LUC7L3: variants seen among roughly 807,000 people sequenced by gnomAD.
The protein encoded by LUC7L3 is luc7-like protein 3.
A neutral mutation model predicts 66.8 loss-of-function variants in LUC7L3; 6 were observed. The observed-to-expected ratio is 0.09, with a 90% CI of 0.05 to 0.18. The LOEUF (loss-of-function observed/expected upper bound fraction) is 0.18. Ranked by LOEUF, LUC7L3 falls within the 10% of genes least tolerant of loss-of-function variation. LUC7L3 has a pLI of 1.00. For synonymous variants in LUC7L3, 160 were observed against 174.7 expected (o/e 0.92, Z 0.66); for missense variants, 341 against 531.1 (o/e 0.64, Z 3.52).
At position 50,755,734 on chromosome 17, in the gene LUC7L3, T is replaced by G. The variant is rs942766249; in HGVS notation, c.*5073T>G. The stretch of plus-strand genomic sequence containing the variant: ...CCGGATACATACCCTAGAGAAACTC[T>G]TACACATGCGTACCAGGGGATGGAT... On this transcript the variant is annotated 3_prime_UTR_variant, in exon 10 of 10. Coordinates refer to ENST00000505658, the MANE Select transcript of LUC7L3 (RefSeq NM_016424.5). 1 of 152,172 alleles carries G rather than the reference T, an allele frequency of 6.6e-6. No individual in the cohort carries two copies. Among genetic ancestry groups the G allele is most frequent in the Non-Finnish European group, 1.5e-5 (1 of 68,038 alleles). The allele number at this position is 152,172 out of a possible 1,614,324, so 9.4% of individuals were successfully genotyped here.
chr17:50,727,956 A>G (rs1969307329), intron 1 of LUC7L3, among the ~76,000 whole-genome samples: 1 of 151,270 alleles, frequency 6.6e-6, no homozygotes, highest in African/African-American at 2.4e-5. Flanking sequence ...TACAAAAAAA[A>G]AAAAAAATTA....
chr17:50,729,899 TATATATATATATATATA>T (rs1567860446), intron 1 of LUC7L3, among the ~76,000 whole-genome samples: 1,217 of 14,242 alleles, frequency 0.085, 65 homozygotes, highest in African/African-American at 0.13. Context: ...AAATACATTA[TATATATATATATATATA>T]TATATATATA....
intron 1 of LUC7L3, among the ~76,000 whole-genome samples, chr17:50,727,117 A>C (rs1434180490): frequency 2.0e-5 from 3 of 152,198 alleles, no homozygotes; most frequent in Non-Finnish European, 2.9e-5. Context: ...TATATAATAC[A>C]AATAATATAC....
At chr17:50,737,359 A>G (rs749996710) in intron 2 of LUC7L3, 4 of 474,974 alleles carry the variant, frequency 8.4e-6, no homozygotes, top group South Asian at 4.6e-5. Flanking sequence ...ATGGAGGAGT[A>G]GCAGCAAACG....
At chr17:50,733,268 G>A (rs1033853653) in intron 1 of LUC7L3, among the ~76,000 whole-genome samples, 2 of 148,046 alleles carry the variant, frequency 1.4e-5, no homozygotes, top group African/African-American at 2.5e-5. Context: ...TTTTGAGACA[G>A]AGTCTCGCTC....
chr17:50,724,930 T>A (rs1176833284), intron 1 of LUC7L3, among the ~76,000 whole-genome samples: 1 of 151,722 alleles, frequency 6.6e-6, no homozygotes, highest in Non-Finnish European at 1.5e-5. Flanking sequence ...CCTGACTAAT[T>A]TTTGTGTTGT....
chr17:50,724,610 A>AT (rs1969032608), intron 1 of LUC7L3, among the ~76,000 whole-genome samples: 1 of 51,236 alleles, frequency 2.0e-5, no homozygotes, highest in South Asian at 9.1e-4. Flanking sequence ...CTTTAGGAAA[A>AT]TTGTGTGTGT....
intron 9 of LUC7L3, among the ~76,000 whole-genome samples, chr17:50,747,610 T>G (rs546061775): frequency 2.6e-5 from 4 of 152,306 alleles, no homozygotes; most frequent in Non-Finnish European, 5.9e-5. Context: ...TTTATTATAC[T>G]AGTCTTTTGT....
intron 5 of LUC7L3, among the ~76,000 whole-genome samples, chr17:50,742,012 G>T (rs1970377156): frequency 6.6e-6 from 1 of 152,172 alleles, no homozygotes; most frequent in African/African-American, 2.4e-5. Flanking sequence ...CAAGGGCGAG[G>T]CTGTAGTTAG....
At chr17:50,749,284 A>G (rs1471390354) in intron 9 of LUC7L3, 1 of 1,289,380 alleles carries the variant, frequency 7.8e-7, no homozygotes, top group South Asian at 1.2e-5. Flanking sequence ...ACTCTTCCTC[A>G]TTGAAGCTAC....
chr17:50,729,906 A>C (rs8075355), intron 1 of LUC7L3, among the ~76,000 whole-genome samples: 10 of 14,506 alleles, frequency 6.9e-4, no homozygotes, highest in Non-Finnish European at 1.5e-3. Context: ...TTATATATAT[A>C]TATATATATA....
chr17:50,726,352 A>G (rs567622877), intron 1 of LUC7L3, among the ~76,000 whole-genome samples: 16 of 152,106 alleles, frequency 1.1e-4, no homozygotes, highest in African/African-American at 3.4e-4. Flanking sequence ...TTGTATTTTT[A>G]GTAGAGATGG....
chr17:50,734,851 G>A (rs1486070464), intron 1 of LUC7L3, among the ~76,000 whole-genome samples: 1 of 151,994 alleles, frequency 6.6e-6, no homozygotes, highest in African/African-American at 2.4e-5. Flanking sequence ...TCTTTAGAAA[G>A]AATCTCTCCA....
chr17:50,724,049 A>G (rs1255839695), intron 1 of LUC7L3: 4 of 440,486 alleles, frequency 9.1e-6, no homozygotes, highest in Middle Eastern at 3.4e-4. Context: ...CCCAAAACAT[A>G]CAGAATTAGA....
intron 1 of LUC7L3, among the ~76,000 whole-genome samples, chr17:50,727,125 T>C (rs1198597119): frequency 4.6e-5 from 7 of 152,106 alleles, no homozygotes; most frequent in African/African-American, 9.7e-5. Flanking sequence ...ACAAATAATA[T>C]ACAAAATACG....
intron 1 of LUC7L3, chr17:50,724,210 A>C: frequency 4.9e-6 from 1 of 202,276 alleles, no homozygotes; most frequent in Non-Finnish European, 1.0e-5. Context: ...TATATCTGTA[A>C]AATACAAGGA....
chr17:50,742,022 G>C (rs1567872526), intron 5 of LUC7L3, among the ~76,000 whole-genome samples: 1 of 152,180 alleles, frequency 6.6e-6, no homozygotes, highest in African/African-American at 2.4e-5. Context: ...GCTGTAGTTA[G>C]ACGTGTCTGT....
intron 1 of LUC7L3, chr17:50,722,629 T>C (rs771716976): frequency 6.6e-5 from 10 of 152,262 alleles, no homozygotes; most frequent in Non-Finnish European, 1.5e-4. Context: ...ATTCTAATAC[T>C]GTACTTTTTT....
intron 1 of LUC7L3, among the ~76,000 whole-genome samples, chr17:50,735,898 C>G (rs1969954949): frequency 1.3e-5 from 2 of 152,166 alleles, no homozygotes; most frequent in African/African-American, 2.4e-5. Flanking sequence ...GTTGGGAGGC[C>G]AAGACGGGCA....
Sources: gnomAD v4.1 joint callset for allele counts (sites outside exome capture counted in the v4.1 genomes callset) on GRCh38, gnomAD v4.1.1 for gene constraint, MANE v1.5 for transcripts, NCBI Gene and HGNC (gene_info 2026-07-23, HGNC 2026-07-21) for gene names.